ROBO2: variants seen among roughly 807,000 people sequenced by gnomAD.
ROBO2 encodes roundabout homolog 2.
ROBO2 carries 53 observed loss-of-function variants against 160.8 expected under a neutral mutation model. That is an observed-to-expected ratio of 0.33 (90% CI 0.26 to 0.41). The LOEUF (loss-of-function observed/expected upper bound fraction) is 0.41, where lower values mean the gene tolerates loss of function less well. Among genes scored for constraint, ROBO2 ranks in the 10% least tolerant of loss-of-function variants. The probability of loss-of-function intolerance (pLI) is 1.00; values close to 1 mark genes in which losing one functional copy is unlikely to be tolerated. For missense variants in ROBO2, 1,577 were observed against 1,722.4 expected, an observed-to-expected ratio of 0.92 and a Z score of 1.49; for synonymous variants, 664 against 611.7, an observed-to-expected ratio of 1.09 and a Z score of -1.26.
intron 2 of ROBO2, among the ~76,000 whole-genome samples, chr3:76,430,233 T>A (rs2076383464): frequency 6.6e-6 from 1 of 152,156 alleles, no homozygotes; most frequent in South Asian, 2.1e-4. Flanking sequence ...TTGGACAGGG[T>A]AGATCTTATA....
At chr3:76,869,203 T>A (rs1371400398) in intron 2 of ROBO2, among the ~76,000 whole-genome samples, 2 of 152,146 alleles carry the variant, frequency 1.3e-5, no homozygotes, top group Non-Finnish European at 2.9e-5. Context: ...TAAGTCGTCC[T>A]AACCATTGGG....
At chr3:76,924,475 G>C (rs541765708) in intron 2 of ROBO2, among the ~76,000 whole-genome samples, 1 of 152,258 alleles carries the variant, frequency 6.6e-6, no homozygotes, top group Non-Finnish European at 1.5e-5. Context: ...CCTTGATCTT[G>C]GGCTTCCTAT....
At chr3:76,588,837 T>C (rs561607674) in intron 2 of ROBO2, among the ~76,000 whole-genome samples, 2 of 152,364 alleles carry the variant, frequency 1.3e-5, no homozygotes, top group East Asian at 3.9e-4. Context: ...GAATATGTAG[T>C]ATCTTAGAAT....
intron 2 of ROBO2, among the ~76,000 whole-genome samples, chr3:76,405,906 C>T (rs1036116321): frequency 7.9e-5 from 12 of 151,712 alleles, no homozygotes; most frequent in African/African-American, 2.9e-4. Flanking sequence ...CTGTAATACA[C>T]TGAAGGTTTT....
intron 2 of ROBO2, among the ~76,000 whole-genome samples, chr3:76,734,838 A>G (rs767710558): frequency 6.6e-5 from 10 of 152,248 alleles, no homozygotes; most frequent in Non-Finnish European, 1.2e-4. Context: ...CCTTAACACA[A>G]GGTTTAAAAT....
chr3:76,996,547 T>G (rs1002712210), intron 2 of ROBO2, among the ~76,000 whole-genome samples: 1 of 152,226 alleles, frequency 6.6e-6, no homozygotes, highest in Non-Finnish European at 1.5e-5. Context: ...TTGGACGGTA[T>G]GGCTATTTTC....
intron 2 of ROBO2, among the ~76,000 whole-genome samples, chr3:76,087,588 A>T (rs572153814): frequency 6.4e-4 from 97 of 152,210 alleles, no homozygotes; most frequent in Admixed American, 1.6e-3. Context: ...ATAAGTGAAT[A>T]GAATCAGAAA....
intron 2 of ROBO2, among the ~76,000 whole-genome samples, chr3:77,454,594 A>G (rs1388915926): frequency 1.3e-5 from 2 of 152,220 alleles, no homozygotes; most frequent in Non-Finnish European, 2.9e-5. Flanking sequence ...ACAGAAAATT[A>G]TTTTTAATCC....
intron 2 of ROBO2, among the ~76,000 whole-genome samples, chr3:76,881,380 G>A (rs11127567): frequency 0.055 from 8,418 of 152,232 alleles, 285 homozygotes; most frequent in South Asian, 0.14. Flanking sequence ...ATGTGGAAAT[G>A]TGCAGGGTCC....
chr3:76,984,636 T>A (rs760752121), intron 2 of ROBO2, among the ~76,000 whole-genome samples: 13 of 152,062 alleles, frequency 8.5e-5, no homozygotes, highest in Non-Finnish European at 1.9e-4. Context: ...CATGGAAACG[T>A]GGTGGGAAGC....
At chr3:77,520,013 G>T (rs2090432447) in intron 5 of ROBO2, among the ~76,000 whole-genome samples, 1 of 151,320 alleles carries the variant, frequency 6.6e-6, no homozygotes. Context: ...GTTTTGATTT[G>T]CAGTTCTCTG....
At chr3:76,745,740 C>T (rs951726720) in intron 2 of ROBO2, among the ~76,000 whole-genome samples, 1 of 151,774 alleles carries the variant, frequency 6.6e-6, no homozygotes, top group African/African-American at 2.4e-5. Context: ...CAGAATTCCT[C>T]ACTATCTCTG....
At chr3:77,395,159 A>G (rs2075145435) in intron 2 of ROBO2, among the ~76,000 whole-genome samples, 1 of 152,144 alleles carries the variant, frequency 6.6e-6, no homozygotes, top group Admixed American at 6.6e-5. Context: ...GCCACAGTCT[A>G]ATTTCCTATT....
At position 77,148,218 on chromosome 3, in the gene ROBO2, G is replaced by A. The variant is rs941875193; in HGVS notation, c.388+49878G>A. 3.9e-5 allele frequency among the ~76,000 whole-genome samples: 6 copies of A among 152,134 alleles called. No individual in the cohort carries two copies. In the East Asian group the frequency reaches 7.7e-4, roughly 20 times the overall value. ...TGCCTTCACCCACTCCTTAAGCCCCGTGGCAATCAACTATTTTGGTTACCA... is the reference window on the plus strand; with the variant it reads ...TGCCTTCACCCACTCCTTAAGCCCCATGGCAATCAACTATTTTGGTTACCA... On this transcript the variant is annotated intron_variant, in intron 2 of 25. Transcript: ENST00000461745.
Position 76,619,834 on chromosome 3 carries a change from ATTTAC to A in ROBO2, c.110-478176_110-478172del, listed in dbSNP as rs557295196. ...ACATCACTTTGAGCTTTCAGTGGCTATTTACTTTGTGAGAAACAGTTCTTTTTCCT... is the reference window on the plus strand; with the variant it reads ...ACATCACTTTGAGCTTTCAGTGGCTATTTGTGAGAAACAGTTCTTTTTCCT... On this transcript the variant is annotated intron_variant, in intron 2 of 26. Coordinates refer to the ROBO2 transcript ENST00000487694. Among the ~76,000 whole-genome samples the A allele has an allele frequency of 3.2e-3, 489 of 152,296 alleles. 3 individuals are homozygous for A. The highest frequency in any genetic ancestry group is 0.011 in the African/African-American group (464 of 41,564).
rs71277571 is a variant in ROBO2, at chr3:76,230,703, C to CTTT, written c.109+293101_109+293102insTTT. Among the ~76,000 whole-genome samples the CTTT allele has an allele frequency of 2.6e-5, 4 of 151,904 alleles. No homozygotes were observed. In the East Asian group the frequency reaches 7.7e-4, roughly 29 times the overall value. ...AGATACTACTCTGCCCCAACCCTCT[C>CTTT]CTTCTCACACTGTTTTGGTTTGAAT... is the stretch of plus-strand genomic sequence containing the variant. On this transcript the variant is annotated intron_variant, in intron 2 of 26. Coordinates refer to the ROBO2 transcript ENST00000487694.
rs138761970 is a variant in ROBO2, at chr3:75,977,705, A to G, written c.109+40103A>G. The stretch of plus-strand genomic sequence containing the variant: ...AAAGAGTGAACTGCCATATTGATAC[A>G]TACACATCAGCATATACTTTGTACT... On this transcript the variant is annotated intron_variant, in intron 2 of 26. Coordinates refer to the ROBO2 transcript ENST00000487694. Among the ~76,000 whole-genome samples, 3 of 151,650 alleles carry G rather than the reference A, an allele frequency of 2.0e-5. No homozygotes were observed. In the East Asian group the frequency reaches 5.9e-4, roughly 30 times the overall value.
rs563117681 is a variant in ROBO2, at chr3:77,286,087, A to G, written c.388+187747A>G. 6.8e-4 allele frequency among the ~76,000 whole-genome samples: 103 copies of G among 152,268 alleles called. 1 individual carries two copies. Among genetic ancestry groups the G allele is most frequent in the Non-Finnish European group, 4.4e-5 (3 of 68,028 alleles). On this transcript the variant is annotated intron_variant, in intron 2 of 25. Transcript: ENST00000461745. ...CATTATATCTGTGAATAATCTGCGC[A>G]TATGCATATAGCAGTGTGTTTTACA...
chr3:77,645,049 C>A, intron 25 of ROBO2, 145 bp downstream of exon 27: 1 of 825,650 alleles, frequency 1.2e-6, no homozygotes. Context: ...CAAGTTTGGT[C>A]ATAACTTAGG....
Sources: allele counts gnomAD v4.1 joint callset (sites outside exome capture counted in the v4.1 genomes callset), GRCh38; gene constraint gnomAD v4.1.1; transcripts MANE v1.5; gene names NCBI Gene and HGNC (gene_info 2026-07-23, HGNC 2026-07-21).